The following CTNND2 variants were observed in gnomAD, a reference collection of about 807,000 sequenced individuals.
The protein encoded by CTNND2 is catenin delta 2.
CTNND2 carries 22 observed loss-of-function variants against 144.4 expected under a neutral mutation model. That is an observed-to-expected ratio of 0.15 (90% confidence interval 0.11 to 0.22). The LOEUF (loss-of-function observed/expected upper bound fraction) is 0.22, where lower values mean the gene tolerates loss of function less well. Ranked by LOEUF, CTNND2 falls within the 10% of genes least tolerant of loss-of-function variation. CTNND2 has a pLI of 1.00. For synonymous variants in CTNND2, 751 were observed against 695.6 expected (o/e 1.08, Z -1.25); for missense variants, 1,353 against 1,618.8 (o/e 0.84, Z 2.82).
intron 9 of CTNND2, among the ~76,000 whole-genome samples, chr5:11,294,668 C>A (rs1247731596): frequency 1.3e-5 from 2 of 152,246 alleles, no homozygotes; most frequent in African/African-American, 2.4e-5. Flanking sequence ...GGATGCAAGG[C>A]TGGTTCAACA....
In CTNND2 at chr5:11,564,984, A is replaced by G; in HGVS notation, c.247T>C (p.Cys83Arg). 1 of 1,614,100 alleles carries G rather than the reference A, an allele frequency of 6.2e-7. No individual in the cohort carries two copies. The highest frequency in any genetic ancestry group is 8.5e-7 in the Non-Finnish European group (1 of 1,179,978). The change falls in exon 3 of 22, where the codon TGC becomes CGC. Residue 83 changes from cysteine (C) to arginine (R), a missense_variant. Cys to Arg is a radical substitution (Grantham distance 180). Coordinates refer to ENST00000304623, the MANE Select transcript of CTNND2 (RefSeq NM_001332.4). ...CTGCCAGTCTCGGATCCGAGCTTGC[A>G]TCGCTCCAGCTGGCTGGCTACGATC... Reference protein sequence around the residue: ...RQIVASQLERCKLGSETGSMS... With the variant: ...RQIVASQLERRKLGSETGSMS...
At chr5:11,106,618 T>A (rs1396246274) in intron 14 of CTNND2, among the ~76,000 whole-genome samples, 1 of 152,214 alleles carries the variant, frequency 6.6e-6, no homozygotes, top group South Asian at 2.1e-4. Flanking sequence ...TTTTGTTCAC[T>A]ACCATGTGCA....
intron 1 of CTNND2, among the ~76,000 whole-genome samples, chr5:11,823,312 T>C (rs1385481653): frequency 2.0e-5 from 3 of 152,156 alleles, no homozygotes; most frequent in Non-Finnish European, 2.9e-5. Flanking sequence ...ATTAACGAGT[T>C]TGTGGATTTG....
chr5:11,565,117 C>G, intron 2 of CTNND2, 61 bp from the exon 3 acceptor site: 1 of 1,123,014 alleles, frequency 8.9e-7, no homozygotes, highest in Non-Finnish European at 1.3e-6. Flanking sequence ...AAATTCAGAC[C>G]AAAATAATAG....
intron 10 of CTNND2, among the ~76,000 whole-genome samples, chr5:11,207,546 T>C (rs947590866): frequency 2.0e-5 from 3 of 152,152 alleles, no homozygotes; most frequent in Non-Finnish European, 4.4e-5. Flanking sequence ...GACACATTCT[T>C]TCTCTCTCAC....
At chr5:11,807,946 T>G (rs889585834) in intron 1 of CTNND2, among the ~76,000 whole-genome samples, 1 of 152,202 alleles carries the variant, frequency 6.6e-6, no homozygotes, top group African/African-American at 2.4e-5. Context: ...TATTGTACTC[T>G]GTACAAAAGA....
At chr5:11,221,311 A>G (rs1739768417) in intron 10 of CTNND2, among the ~76,000 whole-genome samples, 1 of 152,222 alleles carries the variant, frequency 6.6e-6, no homozygotes, top group Non-Finnish European at 1.5e-5. Flanking sequence ...CAAGTCAGGG[A>G]GGCTCTTCCC....
At chr5:11,039,343 T>A (rs1035483970) in intron 16 of CTNND2, among the ~76,000 whole-genome samples, 1 of 152,238 alleles carries the variant, frequency 6.6e-6, no homozygotes, top group Non-Finnish European at 1.5e-5. Context: ...GTCTTAATTC[T>A]GGCTCCCCTG....
intron 1 of CTNND2, among the ~76,000 whole-genome samples, chr5:11,780,365 G>A (rs1790480726): frequency 6.6e-6 from 1 of 152,152 alleles, no homozygotes; most frequent in Admixed American, 6.5e-5. Context: ...GGACTGAGAA[G>A]TAGATGTCAT....
intron 9 of CTNND2, among the ~76,000 whole-genome samples, chr5:11,267,022 G>T (rs1294004602): frequency 1.3e-5 from 2 of 152,172 alleles, no homozygotes; most frequent in Non-Finnish European, 2.9e-5. Context: ...GGGACTACAG[G>T]CGCCCGCCAC....
chr5:11,172,325 T>C (rs1163249539), intron 11 of CTNND2, among the ~76,000 whole-genome samples: 3 of 152,226 alleles, frequency 2.0e-5, no homozygotes, highest in Admixed American at 6.5e-5. Context: ...CTCTAAGTTA[T>C]GACTATGGGA....
chr5:11,423,732 C>T (rs1762549133), intron 3 of CTNND2, among the ~76,000 whole-genome samples: 1 of 152,132 alleles, frequency 6.6e-6, no homozygotes, highest in African/African-American at 2.4e-5. Flanking sequence ...CTTTTGCTTC[C>T]TACATATGTC....
At chr5:11,623,133 C>T (rs967880731) in intron 2 of CTNND2, among the ~76,000 whole-genome samples, 3 of 152,124 alleles carry the variant, frequency 2.0e-5, no homozygotes, top group Non-Finnish European at 2.9e-5. Flanking sequence ...TTTCAGCCTC[C>T]AGACAGGCTC....
intron 2 of CTNND2, among the ~76,000 whole-genome samples, chr5:11,665,279 A>G (rs573512021): frequency 6.6e-6 from 1 of 152,292 alleles, no homozygotes; most frequent in South Asian, 2.1e-4. Flanking sequence ...CTTACCAGCT[A>G]TGAGATAGTG....
intron 15 of CTNND2, among the ~76,000 whole-genome samples, chr5:11,091,912 T>G (rs1329789559): frequency 1.3e-5 from 2 of 152,044 alleles, no homozygotes; most frequent in African/African-American, 4.8e-5. Flanking sequence ...TTAAGGGGAG[T>G]CCTCTGCACA....
Position 11,875,704 on chromosome 5 carries a change from G to A in CTNND2, c.37+28113C>T, listed in dbSNP as rs72736686. 9.9e-3 allele frequency among the ~76,000 whole-genome samples: 1,514 copies of A among 152,250 alleles called. 11 individuals carry two copies. The highest frequency in any genetic ancestry group is 0.016 in the Non-Finnish European group (1,094 of 68,004). The stretch of plus-strand genomic sequence containing the variant: ...CCAACCCTGCTGGCAGTCTGATTTT[G>A]GACTTCCCGGCTTTCAGAACTGTGG... On this transcript the variant is annotated intron_variant, in intron 1 of 21. Transcript: ENST00000304623.
intron 1 of CTNND2, among the ~76,000 whole-genome samples, chr5:11,754,685 G>A: frequency 6.6e-6 from 1 of 151,808 alleles, no homozygotes; most frequent in East Asian, 1.9e-4. Context: ...TTCTTGTTGA[G>A]TTGATCCTTT....
chr5:11,328,825 A>G (rs748775908), intron 9 of CTNND2, among the ~76,000 whole-genome samples: 1 of 152,318 alleles, frequency 6.6e-6, no homozygotes, highest in East Asian at 1.9e-4. Flanking sequence ...AGCTGTGTCC[A>G]GTGTGTTTCA....
intron 2 of CTNND2, among the ~76,000 whole-genome samples, chr5:11,729,533 C>A (rs555236945): frequency 6.6e-6 from 1 of 152,144 alleles, no homozygotes; most frequent in South Asian, 2.1e-4. Flanking sequence ...CATATAGCCC[C>A]AACTCATTTT....
Sources: gnomAD v4.1 joint callset for allele counts (sites outside exome capture counted in the v4.1 genomes callset) on GRCh38, gnomAD v4.1.1 for gene constraint, MANE v1.5 for transcripts, NCBI Gene and HGNC (gene_info 2026-07-23, HGNC 2026-07-21) for gene names.